The following SH2B2 variants were observed in gnomAD, a reference collection of about 807,000 sequenced individuals.
SH2B2 encodes the protein SH2B adaptor protein 2.
SH2B2 carries 37 observed loss-of-function variants against 35.7 expected under a neutral mutation model. The ratio of observed to expected loss-of-function variants is 1.04; its 90% CI spans 0.80 to 1.36. The LOEUF is 1.36. SH2B2 is among the 40% of genes most tolerant of loss of function. The probability of loss-of-function intolerance (pLI) is 0.00; values close to 1 mark genes in which losing one functional copy is unlikely to be tolerated. For synonymous variants in SH2B2, 383 were observed against 376.4 expected (o/e 1.02, Z -0.20); for missense variants, 852 against 817.7 (o/e 1.04, Z -0.51).
In SH2B2 at chr7:102,292,390, G is replaced by C. The variant is rs1228335914; in HGVS notation, c.-30+5296G>C. ...TCCTAAAAATACAAAAATTAGCCGG[G>C]CTTGGTAGGACGCACCTATAGTCCC... On this transcript the variant is annotated intron_variant, in intron 1 of 8. Coordinates refer to ENST00000444095, the MANE Select transcript of SH2B2 (RefSeq NM_001359228.2). Among the ~76,000 whole-genome samples, 3 of 152,092 alleles carry C rather than the reference G, an allele frequency of 2.0e-5. No individual in the cohort carries two copies. In the East Asian group the frequency reaches 5.8e-4, roughly 29 times the overall value.
intron 2 of SH2B2, among the ~76,000 whole-genome samples, chr7:102,301,579 T>TGC (rs1178178189): frequency 1.3e-5 from 2 of 148,788 alleles, no homozygotes; most frequent in African/African-American, 5.2e-5. Flanking sequence ...TGTGTGTGTG[T>TGC]GTGCGCGCGC....
intron 2 of SH2B2, among the ~76,000 whole-genome samples, chr7:102,305,249 A>T (rs11768576): frequency 1.3e-5 from 2 of 150,104 alleles, no homozygotes; most frequent in African/African-American, 5.1e-5. Flanking sequence ...ATCATTTTTT[A>T]TTTTTTTATT....
intron 1 of SH2B2, among the ~76,000 whole-genome samples, chr7:102,291,085 C>G (rs1554551719): frequency 6.6e-6 from 1 of 152,188 alleles, no homozygotes; most frequent in Non-Finnish European, 1.5e-5. Context: ...TAACACTGTC[C>G]CAGCATGTCA....
At chr7:102,299,742 A>G (rs1489425197) in intron 1 of SH2B2, among the ~76,000 whole-genome samples, 1 of 152,200 alleles carries the variant, frequency 6.6e-6, no homozygotes, top group Non-Finnish European at 1.5e-5. Flanking sequence ...GAACATCAGA[A>G]GAGGTCACTG....
rs1793743060 is a variant in SH2B2, at chr7:102,314,509, C to T, written c.1016-3C>T. ...ACGTGCATCTTACCTGCCACTTCCC[C>T]AGCAGTCGACCTGCCCCGCCCCCCA... On this transcript the variant is annotated splice_region_variant and splice_polypyrimidine_tract_variant and intron_variant, in intron 5 of 8. Coordinates refer to ENST00000444095, the MANE Select transcript of SH2B2 (RefSeq NM_001359228.2). 5.0e-6 allele frequency: 2 copies of T among 398,756 alleles called. No homozygotes were observed. Among genetic ancestry groups the T allele is most frequent in the Non-Finnish European group, 8.8e-6 (2 of 226,186 alleles). The allele number at this position is 398,756 out of a possible 1,614,324, so 24.7% of individuals were successfully genotyped here.
rs961860164 is a variant in SH2B2 at position 102,312,676 on chromosome 7, C to T, written c.924-1660C>T. On this transcript the variant is annotated intron_variant, in intron 4 of 8. Coordinates refer to ENST00000444095, the MANE Select transcript of SH2B2 (RefSeq NM_001359228.2). ...CTTTCTTGCTTTCCTTTCCTTCTTC[C>T]GTTTCTTTCTTTCCTTTTGTTTTTA... Among the ~76,000 whole-genome samples, 7 of 151,980 alleles carry T rather than the reference C, an allele frequency of 4.6e-5. No individual in the cohort carries two copies. The South Asian group carries it at 8.3e-4, about 18-fold the overall frequency.
chr7:102,312,677 G>A (rs1793671310), intron 4 of SH2B2, among the ~76,000 whole-genome samples: 4 of 151,380 alleles, frequency 2.6e-5, no homozygotes, highest in Admixed American at 2.0e-4. Flanking sequence ...TCCTTCTTCC[G>A]TTTCTTTCTT....
chr7:102,302,133 T>C (rs1401540915), intron 2 of SH2B2, among the ~76,000 whole-genome samples: 1 of 152,224 alleles, frequency 6.6e-6, no homozygotes, highest in Non-Finnish European at 1.5e-5. Flanking sequence ...AGTGCTGGGA[T>C]TACAAGCATG....
chr7:102,293,470 GA>G (rs141126119), intron 1 of SH2B2, among the ~76,000 whole-genome samples: 4,903 of 143,050 alleles, frequency 0.034, 288 homozygotes, highest in African/African-American at 0.12. Flanking sequence ...CAGAGATGGG[GA>G]AAAAAAAAAC....
Position 102,314,617 on chromosome 7 carries a change from C to T in SH2B2, c.1121C>T (p.Pro374Leu), listed in dbSNP as rs1437725160. ...DAVRESLIHV[P>L]LETFLQTLES... ...GTCAGAGAATCCCTGATCCACGTCC[C>T]GCTAGAGACCTTTCTGCAGACCCTG... is the stretch of plus-strand genomic sequence containing the variant. The change falls in exon 6 of 9, where the codon CCG becomes CTG. Residue 374 changes from proline to leucine, a missense_variant. Around this residue, in one of 3 missense-constraint regions of SH2B2, gnomAD observed 556 missense variants for 514.5 expected, o/e 1.08. Transcript: ENST00000444095. The T allele has an allele frequency of 2.3e-5, 9 of 398,508 alleles. No individual in the cohort carries two copies. The highest frequency in any genetic ancestry group is 3.1e-5 in the Non-Finnish European group (7 of 226,110). The allele number at this position is 398,508 out of a possible 1,614,324, so 24.7% of individuals were successfully genotyped here. A position where few individuals can be genotyped will look rare whatever the true frequency, so the allele number is the denominator to read the frequency against.
At chr7:102,298,132 G>A (rs1455322485) in intron 1 of SH2B2, among the ~76,000 whole-genome samples, 1 of 152,214 alleles carries the variant, frequency 6.6e-6, no homozygotes, top group Non-Finnish European at 1.5e-5. Flanking sequence ...GGGGTAAACA[G>A]AGGCAGATTA....
At chr7:102,312,166 G>A (rs1419434566) in intron 4 of SH2B2, among the ~76,000 whole-genome samples, 1 of 151,976 alleles carries the variant, frequency 6.6e-6, no homozygotes, top group Non-Finnish European at 1.5e-5. Flanking sequence ...GAGGTCAGGA[G>A]TTTGAGACCA....
Position 102,297,916 on chromosome 7 carries a change from A to AG in SH2B2, c.-29-2603dup, listed in dbSNP as rs1290728518. Among the ~76,000 whole-genome samples, 2 of 152,200 alleles carry AG rather than the reference A, an allele frequency of 1.3e-5. No homozygotes were observed. The highest frequency in any genetic ancestry group is 4.8e-5 in the African/African-American group (2 of 41,442). ...GCATCAGAGGGAGTATTGTCATCAG[A>AG]GGGATTTGTCATTCTCAAGAGTGGT... is the stretch of plus-strand genomic sequence containing the variant. On this transcript the variant is annotated intron_variant, in intron 1 of 8. Coordinates refer to ENST00000444095, the MANE Select transcript of SH2B2 (RefSeq NM_001359228.2). The surrounding 1 kb of genome is among the most constrained non-coding windows in gnomAD (Gnocchi z 4.3).
chr7:102,314,911 G>A (rs1364084236), intron 6 of SH2B2, among the ~76,000 whole-genome samples: 9 of 152,354 alleles, frequency 5.9e-5, no homozygotes, highest in African/African-American at 9.6e-5. Context: ...CACAGGGGCC[G>A]GGTGCGGTGG....
intron 6 of SH2B2, among the ~76,000 whole-genome samples, chr7:102,316,016 A>G (rs1215139524): frequency 6.6e-6 from 1 of 151,992 alleles, no homozygotes; most frequent in Non-Finnish European, 1.5e-5. Flanking sequence ...ACAGTGGCTC[A>G]TACCTGTAAT....
rs3988122 is a variant in SH2B2 at position 102,297,394 on chromosome 7, T to TACACACACACAC, written c.-29-3103_-29-3092dup. Among the ~76,000 whole-genome samples the TACACACACACAC allele has an allele frequency of 3.5e-5, 5 of 144,550 alleles. No individual in the cohort carries two copies. The highest frequency in any genetic ancestry group is 6.9e-5 in the Admixed American group (1 of 14,414). The allele number at this position is 144,550 out of a possible 152,430, so 94.8% of individuals were successfully genotyped here. Reference sequence around the variant, plus strand: ...CATCAATAGAGTGAGATCCCATCTCTACACACACACACACACACACACACA... The same window carrying TACACACACACAC: ...CATCAATAGAGTGAGATCCCATCTCTACACACACACACACACACACACACACACACACACACA... On this transcript the variant is annotated intron_variant, in intron 1 of 8. Transcript: ENST00000444095. The surrounding 1 kb of genome is among the most constrained non-coding windows in gnomAD (Gnocchi z 4.3).
intron 1 of SH2B2, among the ~76,000 whole-genome samples, chr7:102,289,399 G>A (rs192657026): frequency 4.5e-4 from 69 of 152,294 alleles, no homozygotes; most frequent in African/African-American, 1.6e-3. Flanking sequence ...GTGGGCTTGG[G>A]GGCCTGCCTG....
chr7:102,294,022 G>T (rs763844308), intron 1 of SH2B2, among the ~76,000 whole-genome samples: 1 of 152,046 alleles, frequency 6.6e-6, no homozygotes, highest in South Asian at 2.1e-4. Context: ...TGGGAGAAGA[G>T]AAGGTTTTGT....
intron 4 of SH2B2, 84 bp downstream of exon 4, chr7:102,308,990 G>C (rs1230936842): frequency 9.4e-7 from 1 of 1,058,600 alleles, no homozygotes; most frequent in African/African-American, 1.6e-5. Context: ...CTTCCTAGCA[G>C]GGCGGGAGCT....
Sources: allele counts gnomAD v4.1 joint callset (sites outside exome capture counted in the v4.1 genomes callset), GRCh38; gene constraint gnomAD v4.1.1; regional missense constraint gnomAD v4.1.1; non-coding constraint Gnocchi (gnomAD v3.1); transcripts MANE v1.5; gene names NCBI Gene and HGNC (gene_info 2026-07-23, HGNC 2026-07-21).